Variants in WDR70 observed in about 807,000 individuals in gnomAD.
WDR70 encodes WD repeat domain 70.
Under a neutral mutation model 88.6 loss-of-function variants are expected in WDR70, and 53 were observed. The ratio of observed to expected loss-of-function variants is 0.60; its 90% confidence interval spans 0.48 to 0.75. The LOEUF is 0.75. Ranked by LOEUF, WDR70 falls within the 30% of genes least tolerant of loss-of-function variation. WDR70 has a pLI of 0.00. For synonymous variants in WDR70, 280 were observed against 270.0 expected, an observed-to-expected ratio of 1.04 and a Z score of -0.36; for missense variants, 610 against 823.2, an observed-to-expected ratio of 0.74 and a Z score of 3.17.
intron 9 of WDR70, among the ~76,000 whole-genome samples, chr5:37,565,595 A>G (rs1249548586): frequency 2.0e-5 from 3 of 152,128 alleles, no homozygotes; most frequent in Non-Finnish European, 4.4e-5. Context: ...CATCAACTTG[A>G]TGTGTGAAAT....
intron 10 of WDR70, among the ~76,000 whole-genome samples, chr5:37,673,633 G>C (rs562291282): frequency 8.3e-6 from 1 of 120,658 alleles, no homozygotes; most frequent in Non-Finnish European, 1.6e-5. Flanking sequence ...TGAAGTTCAG[G>C]GGTACATGTG....
At chr5:37,656,622 C>T (rs1463782119) in intron 10 of WDR70, among the ~76,000 whole-genome samples, 1 of 152,210 alleles carries the variant, frequency 6.6e-6, no homozygotes, top group African/African-American at 2.4e-5. Flanking sequence ...GGGCTGCTGC[C>T]TTTCTTTCAG....
rs70978842 is a variant in WDR70 at position 37,711,987 on chromosome 5, C to CTTTTTTTTTT, written c.1416+8911_1416+8920dup. Reference sequence around the variant, plus strand: ...TGGAATTTCAGTGCATATATTTTTTCTTTTTTTTTTTTTTTTTTTTCTTGA... The same window carrying CTTTTTTTTTT: ...TGGAATTTCAGTGCATATATTTTTTCTTTTTTTTTTTTTTTTTTTTTTTTTTTTTTCTTGA... On this transcript the variant is annotated intron_variant, in intron 13 of 17. Coordinates refer to ENST00000265107, the MANE Select transcript of WDR70 (RefSeq NM_018034.4). 4.6e-4 allele frequency among the ~76,000 whole-genome samples: 48 copies of CTTTTTTTTTT among 103,996 alleles called. 1 individual carries two copies. The highest frequency in any genetic ancestry group is 4.9e-3 in the Middle Eastern group (1 of 206). 68.2% of individuals were successfully genotyped at this position (103,996 alleles called of 152,430 possible). A position where few individuals can be genotyped will look rare whatever the true frequency, so the allele number is the denominator to read the frequency against.
At chr5:37,676,428 A>G (rs549489049) in intron 10 of WDR70, among the ~76,000 whole-genome samples, 41 of 152,250 alleles carry the variant, frequency 2.7e-4, no homozygotes, top group Non-Finnish European at 4.7e-4. Flanking sequence ...TAATTTCTTG[A>G]GAGTTTTTAG....
At chr5:37,394,498 G>A (rs1748948644) in intron 4 of WDR70, among the ~76,000 whole-genome samples, 1 of 152,158 alleles carries the variant, frequency 6.6e-6, no homozygotes, top group Non-Finnish European at 1.5e-5. Context: ...TGTTCTCACT[G>A]AGCTCACGTT....
intron 10 of WDR70, among the ~76,000 whole-genome samples, chr5:37,612,462 T>TC (rs1036841297): frequency 2.4e-4 from 37 of 152,152 alleles, no homozygotes; most frequent in East Asian, 7.7e-4. Context: ...GAGGGCATGA[T>TC]CCCCCCATGT....
chr5:37,662,041 T>A (rs1175475227), intron 10 of WDR70, among the ~76,000 whole-genome samples: 1 of 152,182 alleles, frequency 6.6e-6, no homozygotes, highest in Non-Finnish European at 1.5e-5. Context: ...CTGAATTCCT[T>A]CCCAAGATTA....
chr5:37,412,840 T>C (rs1290082851), intron 5 of WDR70, among the ~76,000 whole-genome samples: 1 of 152,220 alleles, frequency 6.6e-6, no homozygotes, highest in African/African-American at 2.4e-5. Flanking sequence ...AACTATCTTT[T>C]AGTTCCCAGG....
chr5:37,467,936 G>T (rs1252522413), intron 7 of WDR70, among the ~76,000 whole-genome samples: 3 of 151,998 alleles, frequency 2.0e-5, no homozygotes, highest in Admixed American at 2.0e-4. Flanking sequence ...AGATGGTCTC[G>T]ATCTCCTGAC....
chr5:37,499,586 A>ATTTTCTCTCTCTCTCTCTCT lies in WDR70; in HGVS notation c.841-16926_841-16925insTTCTCTCTCTCTCTCTCTTT, dbSNP rs35275488. On this transcript the variant is annotated intron_variant, in intron 8 of 17. Transcript: ENST00000265107. ...TTTTTTAAATATGTGATTTGGAAAT[A>ATTTTCTCTCTCTCTCTCTCT]TTCTCTCTCTCTCTCTCTCTCTCTC... is the stretch of plus-strand genomic sequence containing the variant. Among the ~76,000 whole-genome samples the ATTTTCTCTCTCTCTCTCTCT allele has an allele frequency of 3.2e-4, 19 of 58,646 alleles. 2 individuals carry two copies. Among genetic ancestry groups the ATTTTCTCTCTCTCTCTCTCT allele is most frequent in the African/African-American group, 8.1e-4 (12 of 14,736 alleles). 38.5% of individuals were successfully genotyped at this position (58,646 alleles called of 152,430 possible). A position where few individuals can be genotyped will look rare whatever the true frequency, so the allele number is the denominator to read the frequency against.
At chr5:37,426,746 A>G (rs1314585742) in intron 5 of WDR70, among the ~76,000 whole-genome samples, 1 of 151,908 alleles carries the variant, frequency 6.6e-6, no homozygotes, top group Admixed American at 6.6e-5. Context: ...TTTGGAGACT[A>G]ATTAACATAT....
chr5:37,616,935 GTTGT>G (rs1744362086), intron 10 of WDR70, among the ~76,000 whole-genome samples: 1 of 152,082 alleles, frequency 6.6e-6, no homozygotes, highest in Non-Finnish European at 1.5e-5. Context: ...TGTTTTATAA[GTTGT>G]TTGTTTGCTT....
chr5:37,397,345 T>G (rs1422462119), intron 5 of WDR70, among the ~76,000 whole-genome samples: 2 of 152,114 alleles, frequency 1.3e-5, no homozygotes, highest in Non-Finnish European at 2.9e-5. Flanking sequence ...GGCTCACACC[T>G]GTAATCCCAG....
intron 11 of WDR70, among the ~76,000 whole-genome samples, 172 bp from the exon 12 acceptor site, chr5:37,700,886 T>C (rs1329112481): frequency 6.6e-6 from 1 of 152,234 alleles, no homozygotes; most frequent in Non-Finnish European, 1.5e-5. Flanking sequence ...AAGTAAAACA[T>C]GCTTGTGTGA....
At chr5:37,388,679 GC>G (rs1287594445) in intron 3 of WDR70, among the ~76,000 whole-genome samples, 1 of 151,078 alleles carries the variant, frequency 6.6e-6, no homozygotes, top group Non-Finnish European at 1.5e-5. Context: ...GGTGAAGGTT[GC>G]AGTGAGCTGA....
At chr5:37,500,851 GAGTAGCTGGGAT>G (rs1740387858) in intron 8 of WDR70, among the ~76,000 whole-genome samples, 1 of 147,284 alleles carries the variant, frequency 6.8e-6, no homozygotes, top group African/African-American at 2.5e-5. Context: ...TCAGCCTCCC[GAGTAGCTGGGAT>G]AGTAGCTGGG....
chr5:37,564,690 A>G (rs1742684441), intron 9 of WDR70, among the ~76,000 whole-genome samples: 1 of 152,144 alleles, frequency 6.6e-6, no homozygotes, highest in Non-Finnish European at 1.5e-5. Flanking sequence ...TGCAGATAGA[A>G]AAAAATTTTT....
chr5:37,706,718 C>T (rs1357585558), intron 13 of WDR70, among the ~76,000 whole-genome samples: 1 of 116,808 alleles, frequency 8.6e-6, no homozygotes, highest in African/African-American at 2.6e-5. Context: ...CAGAGTAATA[C>T]ACACACACAC....
intron 7 of WDR70, among the ~76,000 whole-genome samples, chr5:37,454,123 A>G (rs926016649): frequency 5.3e-5 from 8 of 152,198 alleles, no homozygotes; most frequent in African/African-American, 1.9e-4. Context: ...ATAGAGCAGA[A>G]GACTGTTTTC....
Sources: allele counts gnomAD v4.1 joint callset (sites outside exome capture counted in the v4.1 genomes callset), GRCh38; gene constraint gnomAD v4.1.1; transcripts MANE v1.5; gene names NCBI Gene and HGNC (gene_info 2026-07-23, HGNC 2026-07-21).